MALRD1: variants seen among roughly 807,000 people sequenced by gnomAD.
MALRD1 encodes MAM and LDL-receptor class A domain-containing protein 1.
In MALRD1, 247 loss-of-function variants were observed where a neutral mutation model predicts 242.1. The ratio of observed to expected loss-of-function variants is 1.02; its 90% CI spans 0.92 to 1.13. MALRD1 has a LOEUF of 1.13. MALRD1 is among the 50% of genes most tolerant of loss of function. The pLI, the probability that MALRD1 is intolerant of heterozygous loss-of-function variation, is 0.00. For missense variants in MALRD1, 2,989 were observed against 2,533.1 expected (o/e 1.18, Z -3.86); for synonymous variants, 995 against 866.6 (o/e 1.15, Z -2.60).
intron 18 of MALRD1, among the ~76,000 whole-genome samples, chr10:19,229,234 T>C (rs1837939063): frequency 6.6e-6 from 1 of 152,106 alleles, no homozygotes; most frequent in Non-Finnish European, 1.5e-5. Flanking sequence ...AGGTAAAAAA[T>C]AAGTAAACTA....
At chr10:19,377,710 T>C (rs1845670199) in intron 26 of MALRD1, among the ~76,000 whole-genome samples, 1 of 152,056 alleles carries the variant, frequency 6.6e-6, no homozygotes, top group South Asian at 2.1e-4. Context: ...ACAATGAACA[T>C]ACACATTAAA....
chr10:19,526,988 G>C (rs1834130110), intron 31 of MALRD1, among the ~76,000 whole-genome samples: 1 of 152,024 alleles, frequency 6.6e-6, no homozygotes, highest in African/African-American at 2.4e-5. Flanking sequence ...TTTGTGTAGG[G>C]CCCAAAAGAC....
At chr10:19,668,507 GA>G (rs1312345013) in intron 36 of MALRD1, among the ~76,000 whole-genome samples, 39 of 152,116 alleles carry the variant, frequency 2.6e-4, no homozygotes, top group African/African-American at 9.2e-4. Context: ...AAATGTGGGA[GA>G]ACGCCACTAA....
At chr10:19,051,530 G>T in intron 1 of MALRD1, 1 of 190,940 alleles carries the variant, frequency 5.2e-6, no homozygotes, top group Non-Finnish European at 1.1e-5. Context: ...AGGCCAGAAA[G>T]GAGTAGATGG....
chr10:19,262,885 A>G (rs1307843468), intron 19 of MALRD1, among the ~76,000 whole-genome samples: 1 of 152,108 alleles, frequency 6.6e-6, no homozygotes, highest in South Asian at 2.1e-4. Context: ...ATCATGCAGT[A>G]TTTGCTTTCT....
chr10:19,218,677 ACT>A (rs952954850), intron 18 of MALRD1, among the ~76,000 whole-genome samples: 2 of 152,042 alleles, frequency 1.3e-5, no homozygotes, highest in Non-Finnish European at 2.9e-5. Context: ...GAGTCCAGAA[ACT>A]CTGTCTTCTT....
chr10:19,507,740 A>G (rs867070400), intron 31 of MALRD1, among the ~76,000 whole-genome samples: 2 of 152,316 alleles, frequency 1.3e-5, no homozygotes, highest in Non-Finnish European at 2.9e-5. Flanking sequence ...AAATCCTGAG[A>G]GTATTAAAGT....
intron 28 of MALRD1, among the ~76,000 whole-genome samples, chr10:19,413,865 C>T (rs905085519): frequency 2.0e-5 from 3 of 151,470 alleles, no homozygotes; most frequent in South Asian, 2.1e-4. Context: ...GCTGGAGAAT[C>T]GCTTGAACCG....
At chr10:19,350,846 C>G (rs985851520) in intron 25 of MALRD1, among the ~76,000 whole-genome samples, 4 of 152,088 alleles carry the variant, frequency 2.6e-5, no homozygotes, top group African/African-American at 9.7e-5. Context: ...AGAGGTGGTC[C>G]TGGGATGCTG....
At chr10:19,578,673 CAGA>C (rs1836949165) in intron 33 of MALRD1, among the ~76,000 whole-genome samples, 1 of 150,536 alleles carries the variant, frequency 6.6e-6, no homozygotes, top group African/African-American at 2.4e-5. Flanking sequence ...GCCTGGGGGA[CAGA>C]AAAGAGTTGA....
chr10:19,216,789 G>A (rs1368717371), intron 18 of MALRD1, among the ~76,000 whole-genome samples: 2 of 151,214 alleles, frequency 1.3e-5, no homozygotes, highest in African/African-American at 4.9e-5. Flanking sequence ...ACTAAAAAAT[G>A]GAAAAAATTA....
intron 30 of MALRD1, among the ~76,000 whole-genome samples, chr10:19,496,025 C>A (rs552518282): frequency 6.6e-5 from 10 of 152,154 alleles, no homozygotes; most frequent in Non-Finnish European, 1.5e-4. Flanking sequence ...ACCTAACTAT[C>A]CTAAATATAT....
At chr10:19,480,085 G>T (rs1184122887) in intron 29 of MALRD1, among the ~76,000 whole-genome samples, 1 of 152,210 alleles carries the variant, frequency 6.6e-6, no homozygotes, top group Non-Finnish European at 1.5e-5. Flanking sequence ...CCACCATGTG[G>T]CTGAGGAGGG....
At position 19,452,223 on chromosome 10, in the gene MALRD1, G is replaced by A. The variant is rs1373265920; in HGVS notation, c.5029+1733G>A. Among the ~76,000 whole-genome samples, 4 of 152,146 alleles carry A rather than the reference G, an allele frequency of 2.6e-5. No homozygotes were observed. In the East Asian group the frequency reaches 7.7e-4, roughly 29 times the overall value. On this transcript the variant is annotated intron_variant, in intron 29 of 39. Transcript: ENST00000454679. ...GGGAAGCAGAATGATTCCTAGATGG[G>A]TTGATTCAGGACAGAAGGAAACTGA...
Position 19,457,014 on chromosome 10 carries a change from C to T in MALRD1, c.5029+6524C>T, listed in dbSNP as rs562365092. Among the ~76,000 whole-genome samples, 4 of 152,146 alleles carry T rather than the reference C, an allele frequency of 2.6e-5. No individual in the cohort carries two copies. In the East Asian group the frequency reaches 7.7e-4, roughly 29 times the overall value. On this transcript the variant is annotated intron_variant, in intron 29 of 39. Coordinates refer to ENST00000454679, the MANE Select transcript of MALRD1 (RefSeq NM_001142308.3). ...TGTGGATTTAAAAGTTACTATATGC[C>T]AAGTGCTTTATACAATAATTCTTCA...
At chr10:19,617,837 A>C (rs1212948334) in intron 36 of MALRD1, among the ~76,000 whole-genome samples, 1 of 152,066 alleles carries the variant, frequency 6.6e-6, no homozygotes, top group African/African-American at 2.4e-5. Context: ...AAACCTACAC[A>C]TGTAGTTTTA....
intron 28 of MALRD1, among the ~76,000 whole-genome samples, chr10:19,428,279 T>C (rs1350469086): frequency 6.6e-6 from 1 of 152,018 alleles, no homozygotes; most frequent in African/African-American, 2.4e-5. Flanking sequence ...ATGAAGCTCA[T>C]GCATAGGTTT....
chr10:19,500,992 A>T (rs923261364), intron 31 of MALRD1, among the ~76,000 whole-genome samples: 1 of 152,208 alleles, frequency 6.6e-6, no homozygotes, highest in African/African-American at 2.4e-5. Context: ...ATTAGAAGTT[A>T]AGGGGACAAA....
chr10:19,653,436 C>G (rs908514143), intron 36 of MALRD1, among the ~76,000 whole-genome samples: 7 of 152,100 alleles, frequency 4.6e-5, no homozygotes, highest in African/African-American at 1.7e-4. Context: ...TGGTCTTAAG[C>G]AGTCCACCCA....
Sources: gnomAD v4.1 joint callset for allele counts (sites outside exome capture counted in the v4.1 genomes callset) on GRCh38, gnomAD v4.1.1 for gene constraint, MANE v1.5 for transcripts, NCBI Gene and HGNC (gene_info 2026-07-23, HGNC 2026-07-21) for gene names.